TENT2: variants seen among roughly 807,000 people sequenced by gnomAD.
TENT2 encodes terminal nucleotidyltransferase 2, also known as poly(A) RNA polymerase GLD2.
Under a neutral mutation model 72.2 loss-of-function variants are expected in TENT2, and 44 were observed. That is an observed-to-expected ratio of 0.61 (90% confidence interval 0.48 to 0.78). TENT2 has a LOEUF of 0.78. Ranked by LOEUF, TENT2 falls within the 30% of genes least tolerant of loss-of-function variation. The probability of loss-of-function intolerance (pLI) is 0.00; values close to 1 mark genes in which losing one functional copy is unlikely to be tolerated. For missense variants in TENT2, 541 were observed against 569.6 expected (o/e 0.95, Z 0.51); for synonymous variants, 212 against 192.5 (o/e 1.10, Z -0.84).
intron 11 of TENT2, among the ~76,000 whole-genome samples, chr5:79,658,051 C>G (rs1413603330): frequency 6.6e-6 from 1 of 152,206 alleles, no homozygotes; most frequent in Non-Finnish European, 1.5e-5. Flanking sequence ...TTGTAATGCA[C>G]ACATGCAAGG....
intron 8 of TENT2, 75 bp from the exon 9 acceptor site, chr5:79,648,542 A>T (rs1580427331): frequency 3.0e-6 from 3 of 998,212 alleles, no homozygotes; most frequent in East Asian, 5.3e-5. Context: ...GATGAGCATT[A>T]ATTTAGTTAT....
intron 1 of TENT2, among the ~76,000 whole-genome samples, chr5:79,613,537 C>T (rs1474050592): frequency 6.6e-6 from 1 of 152,144 alleles, no homozygotes; most frequent in Non-Finnish European, 1.5e-5. Context: ...AGGCTTCTAA[C>T]ACGTACTGAT....
chr5:79,644,983 GT>G, intron 7 of TENT2, 139 bp from the exon 8 acceptor site: 1 of 625,886 alleles, frequency 1.6e-6, no homozygotes, highest in Non-Finnish European at 2.6e-6. Context: ...ATTTGATAAT[GT>G]CCTCACTTGT....
At chr5:79,623,037 C>A (rs927855741) in intron 3 of TENT2, among the ~76,000 whole-genome samples, 3 of 148,718 alleles carry the variant, frequency 2.0e-5, no homozygotes, top group Non-Finnish European at 4.4e-5. Context: ...GTAGTTTTTT[C>A]TGTCTCCATT....
At chr5:79,670,018 G>A (rs1258021799) in intron 12 of TENT2, among the ~76,000 whole-genome samples, 2 of 151,694 alleles carry the variant, frequency 1.3e-5, no homozygotes, top group Admixed American at 6.6e-5. Context: ...TCGCGAGTTC[G>A]AGACCAGCCA....
chr5:79,679,604 C>A lies in TENT2; in HGVS notation c.1234C>A (p.Arg412Ser). 1 of 1,599,202 alleles carries A rather than the reference C, an allele frequency of 6.3e-7. No homozygotes were observed. Among genetic ancestry groups the A allele is most frequent in the Non-Finnish European group, 8.5e-7 (1 of 1,171,660 alleles). The stretch of plus-strand genomic sequence containing the variant: ...CTGGAATAGTCAAATGATTTCAGTT[C>A]GTGAAGCCAAAGCCATTCCAAGGCC... ...FDWNSQMISV[R>S]EAKAIPRPDG... Residue 412 changes from arginine (R) to serine (S), a missense_variant, in exon 13 of 15, where the codon CGT (arginine) becomes AGT (serine). Arg to Ser is a moderately radical substitution (Grantham distance 110). Coordinates refer to ENST00000453514, the MANE Select transcript of TENT2 (RefSeq NM_001114394.3).
chr5:79,652,582 TA>T (rs1382849621), intron 10 of TENT2, among the ~76,000 whole-genome samples: 1 of 152,092 alleles, frequency 6.6e-6, no homozygotes, highest in African/African-American at 2.4e-5. Flanking sequence ...CAAAATAGTT[TA>T]AATGGGCCAT....
In TENT2 at chr5:79,687,239, A is replaced by C. The variant is rs984254157; in HGVS notation, c.*1966A>C. Among the ~76,000 whole-genome samples the C allele has an allele frequency of 6.6e-6, 1 of 152,204 alleles. No homozygotes were observed. Among genetic ancestry groups the C allele is most frequent in the African/African-American group, 2.4e-5 (1 of 41,452 alleles). ...GAAATTATGCACACATAACTGGCCA[A>C]ATATCAGATAAGTGAACTGTTAATA... On this transcript the variant is annotated 3_prime_UTR_variant, in exon 15 of 15. Coordinates refer to ENST00000453514, the MANE Select transcript of TENT2 (RefSeq NM_001114394.3).
chr5:79,666,235 C>T (rs1008465152), intron 11 of TENT2, among the ~76,000 whole-genome samples: 4 of 141,546 alleles, frequency 2.8e-5, no homozygotes, highest in Admixed American at 7.1e-5. Flanking sequence ...GGGAACCGCT[C>T]GCCTCGGCCT....
chr5:79,630,692 A>C (rs971422070), intron 4 of TENT2, among the ~76,000 whole-genome samples: 4 of 152,036 alleles, frequency 2.6e-5, no homozygotes, highest in Admixed American at 1.3e-4. Context: ...CAAGATGGCT[A>C]GTGTTTGGTG....
intron 1 of TENT2, among the ~76,000 whole-genome samples, chr5:79,614,368 G>A (rs935836011): frequency 1.3e-5 from 2 of 152,120 alleles, no homozygotes; most frequent in African/African-American, 4.8e-5. Flanking sequence ...CTCCCAAAGT[G>A]CTGGGATTAC....
intron 1 of TENT2, 92 bp downstream of exon 1, chr5:79,613,167 T>G (rs1448328208): frequency 1.3e-5 from 2 of 152,238 alleles, no homozygotes; most frequent in Admixed American, 1.3e-4. Context: ...TTTCACTTTA[T>G]AGGAAAATGC....
Position 79,612,611 on chromosome 5 carries a change from T to C in TENT2, c.-502T>C, listed in dbSNP as rs1238165665. The C allele has an allele frequency of 1.3e-5, 2 of 153,388 alleles. No individual in the cohort carries two copies. The highest frequency in any genetic ancestry group is 3.9e-4 in the East Asian group (2 of 5,194). 9.5% of individuals were successfully genotyped at this position (153,388 alleles called of 1,614,324 possible). On this transcript the variant is annotated 5_prime_UTR_variant, in exon 1 of 15. Coordinates refer to ENST00000453514, the MANE Select transcript of TENT2 (RefSeq NM_001114394.3). Reference sequence around the variant, plus strand: ...CCTGGCAGCCGTGAGGGGGGTTAGATCTCAGCCGGAGCCGGAGCTGGGCCT... The same window carrying C: ...CCTGGCAGCCGTGAGGGGGGTTAGACCTCAGCCGGAGCCGGAGCTGGGCCT...
intron 12 of TENT2, among the ~76,000 whole-genome samples, chr5:79,677,047 C>T (rs1201050932): frequency 3.3e-5 from 5 of 152,208 alleles, no homozygotes; most frequent in South Asian, 2.1e-4. Context: ...CTGGGCTTGT[C>T]GACAAAGCCC....
intron 3 of TENT2, among the ~76,000 whole-genome samples, chr5:79,622,928 T>C (rs1017379547): frequency 2.0e-5 from 3 of 152,192 alleles, no homozygotes; most frequent in African/African-American, 7.2e-5. Context: ...TGGATCTTCT[T>C]AGTAATTCTA....
Position 79,685,236 on chromosome 5 carries a change from G to T in TENT2, c.1418G>T (p.Ser473Ile), listed in dbSNP as rs2151040231. 6.2e-7 allele frequency: 1 copy of T among 1,605,244 alleles called. No homozygotes were observed. The highest frequency in any genetic ancestry group is 2.2e-5 in the East Asian group (1 of 44,640). The part of the protein sequence containing the change: ...HRLKNKRDLN[S>I]ILPVRAAVLK... The stretch of plus-strand genomic sequence containing the variant: ...TTGAAAAACAAGAGAGATTTGAACA[G>T]TATACTACCTGTAAGAGCTGCTGTC... Residue 473 changes from serine (S) to isoleucine (I), a missense_variant, in exon 15 of 15, where the codon AGT becomes ATT. By Grantham distance (142) the Ser-to-Ile change is moderately radical (BLOSUM62 -2). Transcript: ENST00000453514.
At chr5:79,659,594 A>ATATG (rs70975771) in intron 11 of TENT2, among the ~76,000 whole-genome samples, 8 of 127,578 alleles carry the variant, frequency 6.3e-5, no homozygotes, top group African/African-American at 2.3e-4. Context: ...ATATATATAT[A>ATATG]ATAGCCATCG....
chr5:79,647,923 A>G (rs929804964), intron 8 of TENT2, among the ~76,000 whole-genome samples: 2 of 152,168 alleles, frequency 1.3e-5, no homozygotes, highest in Non-Finnish European at 2.9e-5. Flanking sequence ...TCAATAGCCA[A>G]ATTTGACATG....
chr5:79,613,652 G>C (rs1757019968), intron 1 of TENT2, among the ~76,000 whole-genome samples: 1 of 152,198 alleles, frequency 6.6e-6, no homozygotes, highest in Admixed American at 6.5e-5. Context: ...GAAATGTCCT[G>C]TAACAGGTTC....
Sources: gnomAD v4.1 joint callset for allele counts (sites outside exome capture counted in the v4.1 genomes callset) on GRCh38, gnomAD v4.1.1 for gene constraint, MANE v1.5 for transcripts, NCBI Gene and HGNC (gene_info 2026-07-23, HGNC 2026-07-21) for gene names.